Variants in INSL4 observed in about 807,000 individuals in gnomAD.
The protein encoded by INSL4 is early placenta insulin-like peptide.
Under a neutral mutation model 6.5 loss-of-function variants are expected in INSL4, and 7 were observed. The observed-to-expected ratio is 1.08, with a 90% confidence interval of 0.61 to 2.02. The LOEUF (loss-of-function observed/expected upper bound fraction) is 2.02. INSL4 is among the 30% of genes most tolerant of loss of function. The pLI, the probability that INSL4 is intolerant of heterozygous loss-of-function variation, is 0.00. For synonymous variants in INSL4, 82 were observed against 65.8 expected, an observed-to-expected ratio of 1.25 and a Z score of -1.19; for missense variants, 226 against 163.2, an observed-to-expected ratio of 1.38 and a Z score of -2.09.
rs1326249892 is a variant in INSL4, at chr9:5,235,148, T to A, written c.*1271T>A. 1 of 153,072 alleles carries A rather than the reference T, an allele frequency of 6.5e-6. No homozygotes were observed. Among genetic ancestry groups the A allele is most frequent in the Non-Finnish European group, 1.5e-5 (1 of 68,120 alleles). 9.5% of individuals were successfully genotyped at this position (153,072 alleles called of 1,614,324 possible). On this transcript the variant is annotated 3_prime_UTR_variant, in exon 2 of 2. Coordinates refer to ENST00000239316, the MANE Select transcript of INSL4 (RefSeq NM_002195.2). The stretch of plus-strand genomic sequence containing the variant: ...TGCACAAAGGCCTGGAAGCATAGCA[T>A]GTGTGGAAACAGCCAGAGTCAGCAG...
chr9:5,231,775 G>GA, intron 1 of INSL4, 56 bp downstream of exon 1: 1 of 1,490,188 alleles, frequency 6.7e-7, no homozygotes, highest in Non-Finnish European at 9.2e-7. Flanking sequence ...ACAGGCTCCA[G>GA]ATCTCATTGA....
intron 1 of INSL4, among the ~76,000 whole-genome samples, chr9:5,232,375 A>G (rs1826160380): frequency 6.6e-6 from 1 of 152,130 alleles, no homozygotes; most frequent in African/African-American, 2.4e-5. Flanking sequence ...CTTGCCTCCC[A>G]TTTCTTTGAA....
Position 5,231,504 on chromosome 9 carries a change from C to G in INSL4, c.-20C>G. 6.2e-7 allele frequency: 1 copy of G among 1,608,248 alleles called. No individual in the cohort carries two copies. The highest frequency in any genetic ancestry group is 1.3e-5 in the African/African-American group (1 of 74,940). On this transcript the variant is annotated 5_prime_UTR_variant, in exon 1 of 2. Coordinates refer to ENST00000239316, the MANE Select transcript of INSL4 (RefSeq NM_002195.2). ...AAAGAAAGGCTGAGAACACCCAGAA[C>G]AGGAGAGTTCAGGTCCAGGATGGCC...
chr9:5,233,749 T>C lies in INSL4; in HGVS notation c.292T>C (p.Ser98Pro). 6.2e-7 allele frequency: 1 copy of C among 1,613,738 alleles called. No individual in the cohort carries two copies. The highest frequency in any genetic ancestry group is 8.5e-7 in the Non-Finnish European group (1 of 1,179,730). ...NLSPELKKPL[S>P]EGQPSLKKII... Reference sequence around the variant, plus strand: ...GTCACCAGAGCTGAAGAAACCACTGTCTGAAGGGCAGCCATCATTGAAGAA... The same window carrying C: ...GTCACCAGAGCTGAAGAAACCACTGCCTGAAGGGCAGCCATCATTGAAGAA... The change falls in exon 2 of 2, where the codon TCT becomes CCT. Residue 98 changes from serine (S) to proline (P), a missense_variant. Ser to Pro is a moderately conservative substitution (Grantham distance 74, BLOSUM62 -1). Transcript: ENST00000239316.
rs756381960 is a variant in INSL4, at chr9:5,233,692, T to C, written c.235T>C (p.Leu79=). 1.9e-6 allele frequency: 3 copies of C among 1,613,648 alleles called. No homozygotes were observed. Among genetic ancestry groups the C allele is most frequent in the Non-Finnish European group, 8.5e-7 (1 of 1,179,736 alleles). Residue 79 remains leucine, a synonymous_variant, in exon 2 of 2, where the codon TTA becomes CTA. Transcript: ENST00000239316. The stretch of plus-strand genomic sequence containing the variant: ...CTCCAACAACAAAGATGGACAAGCC[T>C]TAGGTACGACATCAGAATTCATTCC... The part of the protein sequence containing the change: ...STSNNKDGQA[L]GTTSEFIPNL...
rs1453352916 is a variant in INSL4, at chr9:5,235,052, G to C, written c.*1175G>C. On this transcript the variant is annotated 3_prime_UTR_variant, in exon 2 of 2. Transcript: ENST00000239316. Reference sequence around the variant, plus strand: ...CAAAATTTCCCTAAGGAAACTGATGGCTGATCTGCATCTTGAAAGACATCT... The same window carrying C: ...CAAAATTTCCCTAAGGAAACTGATGCCTGATCTGCATCTTGAAAGACATCT... The C allele has an allele frequency of 6.6e-6, 1 of 152,354 alleles. No individual in the cohort carries two copies. Among genetic ancestry groups the C allele is most frequent in the African/African-American group, 2.4e-5 (1 of 41,408 alleles). 9.4% of individuals were successfully genotyped at this position (152,354 alleles called of 1,614,324 possible).
Position 5,233,802 on chromosome 9 carries a change from T to G in INSL4, c.345T>G (p.Ser115Arg). The part of the protein sequence containing the change: ...KKIILSRKKR[S>R]GRHRFDPFCC... ...TAATACTTTCCCGCAAAAAGAGAAG[T>G]GGACGTCACAGATTTGATCCATTCT... Residue 115 changes from serine to arginine, a missense_variant, in exon 2 of 2, where the codon AGT (serine) becomes AGG (arginine). Ser to Arg is a moderately radical substitution (Grantham distance 110). Coordinates refer to ENST00000239316, the MANE Select transcript of INSL4 (RefSeq NM_002195.2). 1 of 1,613,684 alleles carries G rather than the reference T, an allele frequency of 6.2e-7. No homozygotes were observed. Among genetic ancestry groups the G allele is most frequent in the Non-Finnish European group, 8.5e-7 (1 of 1,179,714 alleles).
intron 1 of INSL4, among the ~76,000 whole-genome samples, chr9:5,233,082 T>A (rs763730948): frequency 6.6e-6 from 1 of 152,134 alleles, no homozygotes; most frequent in Non-Finnish European, 1.5e-5. Flanking sequence ...TTTCAGTAAA[T>A]AAGTGAAAAT....
Position 5,231,490 on chromosome 9 carries a change from G to A in INSL4, c.-34G>A, listed in dbSNP as rs776543902. 53 of 1,596,010 alleles carry A rather than the reference G, an allele frequency of 3.3e-5. No homozygotes were observed. In the South Asian group the frequency reaches 5.6e-4, roughly 17 times the overall value. ...AGCAGCAAGTCTCTAAAGAAAGGCT[G>A]AGAACACCCAGAACAGGAGAGTTCA... On this transcript the variant is annotated 5_prime_UTR_variant, in exon 1 of 2. Transcript: ENST00000239316.
At chr9:5,232,100 T>C (rs928366696) in intron 1 of INSL4, among the ~76,000 whole-genome samples, 1 of 152,038 alleles carries the variant, frequency 6.6e-6, no homozygotes, top group African/African-American at 2.4e-5. Context: ...ACAGGTGTGA[T>C]TGCAATGAGA....
Position 5,233,766 on chromosome 9 carries a change from A to C in INSL4, c.309A>C (p.Ser103=). 1 of 1,613,710 alleles carries C rather than the reference A, an allele frequency of 6.2e-7. No homozygotes were observed. Among genetic ancestry groups the C allele is most frequent in the Non-Finnish European group, 8.5e-7 (1 of 1,179,720 alleles). ...LKKPLSEGQP[S]LKKIILSRKK... ...AACCACTGTCTGAAGGGCAGCCATC[A>C]TTGAAGAAAATAATACTTTCCCGCA... The change falls in exon 2 of 2, where the codon TCA becomes TCC. Residue 103 remains serine (S), a synonymous_variant. Coordinates refer to ENST00000239316, the MANE Select transcript of INSL4 (RefSeq NM_002195.2).
At chr9:5,231,807 T>C in intron 1 of INSL4, 88 bp downstream of exon 1, 2 of 1,171,932 alleles carry the variant, frequency 1.7e-6, no homozygotes, top group East Asian at 4.9e-5. Flanking sequence ...CAACTCAGAC[T>C]CTACTGTGGC....
Sources: allele counts gnomAD v4.1 joint callset (sites outside exome capture counted in the v4.1 genomes callset), GRCh38; gene constraint gnomAD v4.1.1; transcripts MANE v1.5; gene names NCBI Gene and HGNC (gene_info 2026-07-23, HGNC 2026-07-21).